The following TLK2 variants were observed in gnomAD, a reference collection of about 807,000 sequenced individuals.
The protein encoded by TLK2 is serine/threonine-protein kinase tousled-like 2.
Under a neutral mutation model 117.3 loss-of-function variants are expected in TLK2, and 6 were observed. The ratio of observed to expected loss-of-function variants is 0.05; its 90% CI spans 0.03 to 0.10. The LOEUF is 0.10. Among genes scored for constraint, TLK2 ranks in the 10% least tolerant of loss-of-function variants. TLK2 has a pLI of 1.00. For missense variants in TLK2, 299 were observed against 901.2 expected, an observed-to-expected ratio of 0.33 and a Z score of 8.56; for synonymous variants, 257 against 316.7, an observed-to-expected ratio of 0.81 and a Z score of 2.00.
chr17:62,484,939 C>T (rs1315045742), intron 2 of TLK2, among the ~76,000 whole-genome samples: 2 of 152,082 alleles, frequency 1.3e-5, no homozygotes, highest in Non-Finnish European at 2.9e-5. Context: ...TGCCTGTAAT[C>T]CCAGCTACCT....
intron 17 of TLK2, among the ~76,000 whole-genome samples, chr17:62,597,632 C>T (rs1236033507): frequency 2.0e-5 from 3 of 152,148 alleles, no homozygotes; most frequent in Non-Finnish European, 4.4e-5. Flanking sequence ...AGACAAGGCT[C>T]AGTGCTACAT....
At chr17:62,599,762 T>G (rs891567466) in intron 17 of TLK2, among the ~76,000 whole-genome samples, 6 of 151,732 alleles carry the variant, frequency 4.0e-5, no homozygotes, top group African/African-American at 1.5e-4. Context: ...GTTCAGGTGG[T>G]TTTTTTTTCC....
chr17:62,586,288 T>C, intron 16 of TLK2, 62 bp downstream of exon 16: 1 of 1,187,280 alleles, frequency 8.4e-7, no homozygotes, highest in Non-Finnish European at 1.2e-6. Context: ...TTGAGCATTA[T>C]GCTACAAGCT....
chr17:62,480,674 AATT>A (rs1336624377), intron 1 of TLK2, among the ~76,000 whole-genome samples: 2 of 152,134 alleles, frequency 1.3e-5, no homozygotes, highest in African/African-American at 2.4e-5. Context: ...ATTCTTTTGA[AATT>A]ATTGTCAATG....
chr17:62,537,640 G>A lies in TLK2; in HGVS notation c.531+1303G>A, dbSNP rs115611328. On this transcript the variant is annotated intron_variant, in intron 7 of 21. Coordinates refer to ENST00000346027, the MANE Select transcript of TLK2 (RefSeq NM_006852.6). ...TTTCTGCTTGCACCCTGAGCTGCCT[G>A]GGATAGGCTCTGGCTTTTCACCACT... is the stretch of plus-strand genomic sequence containing the variant. Among the ~76,000 whole-genome samples the A allele has an allele frequency of 5.2e-3, 795 of 152,230 alleles. 5 individuals carry two copies. The highest frequency in any genetic ancestry group is 0.018 in the African/African-American group (757 of 41,524).
intron 1 of TLK2, 92 bp downstream of exon 1, chr17:62,479,382 G>A (rs1300749729): frequency 6.5e-6 from 1 of 153,230 alleles, no homozygotes; most frequent in African/African-American, 2.4e-5. Flanking sequence ...CTGCGACCTG[G>A]GCCCAGCTCG....
Position 62,511,951 on chromosome 17 carries a change from A to G in TLK2, c.82-8822A>G, listed in dbSNP as rs141250559. On this transcript the variant is annotated intron_variant, in intron 2 of 21. Coordinates refer to ENST00000346027, the MANE Select transcript of TLK2 (RefSeq NM_006852.6). ...TTCAAGAGTACAATTGCTGGGTCAA[A>G]TGATAAGTTTTAAGTGCATTTTTAG... Among the ~76,000 whole-genome samples, 778 of 152,310 alleles carry G rather than the reference A, an allele frequency of 5.1e-3. 9 individuals are homozygous for G. The highest frequency in any genetic ancestry group is 0.018 in the African/African-American group (749 of 41,566).
chr17:62,566,395 GAGTT>G (rs1380733760), intron 11 of TLK2, among the ~76,000 whole-genome samples: 1 of 152,150 alleles, frequency 6.6e-6, no homozygotes, highest in Non-Finnish European at 1.5e-5. Flanking sequence ...ACTAACCTCT[GAGTT>G]AGACGTTAGT....
intron 19 of TLK2, among the ~76,000 whole-genome samples, chr17:62,602,867 G>A (rs1028081019): frequency 2.0e-5 from 3 of 152,086 alleles, no homozygotes; most frequent in African/African-American, 7.2e-5. Flanking sequence ...TGAAACTCAG[G>A]CCTTTAACTC....
chr17:62,538,128 C>T (rs561020139), intron 7 of TLK2, among the ~76,000 whole-genome samples: 269 of 148,468 alleles, frequency 1.8e-3, no homozygotes, highest in African/African-American at 6.2e-3. Context: ...CTCTGCCTCT[C>T]GGGTTCACGC....
chr17:62,521,081 AC>A (rs1239005773), intron 3 of TLK2, among the ~76,000 whole-genome samples: 1 of 152,056 alleles, frequency 6.6e-6, no homozygotes, highest in African/African-American at 2.4e-5. Flanking sequence ...GATCGTTTGC[AC>A]CCGGGAGAAT....
chr17:62,603,475 A>AT (rs2083025721), intron 19 of TLK2, among the ~76,000 whole-genome samples: 1 of 151,456 alleles, frequency 6.6e-6, no homozygotes, highest in African/African-American at 2.4e-5. Context: ...ACAGGTCTAT[A>AT]CCTCTGCTAT....
At chr17:62,513,575 A>G (rs1484520255) in intron 2 of TLK2, among the ~76,000 whole-genome samples, 1 of 152,052 alleles carries the variant, frequency 6.6e-6, no homozygotes, top group Non-Finnish European at 1.5e-5. Flanking sequence ...TCCTCAAGCT[A>G]TCCTCCCACC....
chr17:62,569,681 C>A (rs1337222741), intron 11 of TLK2, among the ~76,000 whole-genome samples: 1 of 152,004 alleles, frequency 6.6e-6, no homozygotes, highest in African/African-American at 2.4e-5. Context: ...CCCACCTTGG[C>A]CTCCCGAAGT....
intron 2 of TLK2, among the ~76,000 whole-genome samples, chr17:62,496,090 G>T (rs2073649778): frequency 6.6e-6 from 1 of 152,068 alleles, no homozygotes; most frequent in South Asian, 2.1e-4. Flanking sequence ...AGAGACAACT[G>T]TTAAAAAGTT....
intron 4 of TLK2, 140 bp downstream of exon 4, chr17:62,522,413 G>C (rs1326489141): frequency 3.2e-6 from 3 of 938,068 alleles, no homozygotes; most frequent in Non-Finnish European, 4.7e-6. Flanking sequence ...ATATCAGACT[G>C]TTTATTACAG....
At chr17:62,508,841 G>A (rs1457494274) in intron 2 of TLK2, among the ~76,000 whole-genome samples, 3 of 152,198 alleles carry the variant, frequency 2.0e-5, no homozygotes, top group South Asian at 2.1e-4. Flanking sequence ...GGTGGTGTGC[G>A]CTTGTAATCC....
chr17:62,568,179 C>A (rs1214772799), intron 11 of TLK2, among the ~76,000 whole-genome samples: 1 of 151,964 alleles, frequency 6.6e-6, no homozygotes, highest in Non-Finnish European at 1.5e-5. Context: ...CACCTGTAAT[C>A]CCAGCACTTT....
chr17:62,604,420 ATT>A lies in TLK2; in HGVS notation c.1860-1706_1860-1705del, dbSNP rs1027074883. ...CAACTATATACATATATATATATAT[ATT>A]TTTAGCACAGTTTAGTATCATAGAG... On this transcript the variant is annotated intron_variant, in intron 19 of 21. Coordinates refer to ENST00000346027, the MANE Select transcript of TLK2 (RefSeq NM_006852.6). Among the ~76,000 whole-genome samples, 6 of 136,148 alleles carry A rather than the reference ATT, an allele frequency of 4.4e-5. No individual in the cohort carries two copies. In the South Asian group the frequency reaches 7.2e-4, roughly 16 times the overall value. 89.3% of individuals were successfully genotyped at this position (136,148 alleles called of 152,430 possible).
Sources: allele counts gnomAD v4.1 joint callset (sites outside exome capture counted in the v4.1 genomes callset), GRCh38; gene constraint gnomAD v4.1.1; transcripts MANE v1.5; gene names NCBI Gene and HGNC (gene_info 2026-07-23, HGNC 2026-07-21).